Variants in ATRNL1 observed in about 807,000 individuals in gnomAD.
ATRNL1 encodes attractin like 1.
ATRNL1 carries 95 observed loss-of-function variants against 182.7 expected under a neutral mutation model. That is an observed-to-expected ratio of 0.52 (90% confidence interval 0.44 to 0.62). ATRNL1 has a LOEUF of 0.62. Among genes scored for constraint, ATRNL1 ranks in the 20% least tolerant of loss-of-function variants. The pLI is 0.00. For synonymous variants in ATRNL1, 576 were observed against 568.3 expected, an observed-to-expected ratio of 1.01 and a Z score of -0.19; for missense variants, 1,471 against 1,679.5, an observed-to-expected ratio of 0.88 and a Z score of 2.17.
chr10:115,205,001 A>T (rs1848741682), intron 8 of ATRNL1, among the ~76,000 whole-genome samples: 1 of 152,056 alleles, frequency 6.6e-6, no homozygotes, highest in Non-Finnish European at 1.5e-5. Context: ...ATAACATCTT[A>T]ACTTAGATCA....
At chr10:115,117,452 T>A (rs551837868) in intron 1 of ATRNL1, among the ~76,000 whole-genome samples, 1 of 152,140 alleles carries the variant, frequency 6.6e-6, no homozygotes, top group African/African-American at 2.4e-5. Flanking sequence ...TGAGAACATA[T>A]AATGTTTATC....
chr10:115,882,150 G>A (rs190079164), intron 28 of ATRNL1, among the ~76,000 whole-genome samples: 2 of 152,322 alleles, frequency 1.3e-5, no homozygotes, highest in East Asian at 3.9e-4. Flanking sequence ...AGATGTTGCA[G>A]GATTGGCACT....
At chr10:115,836,034 T>G (rs1402801795) in intron 27 of ATRNL1, among the ~76,000 whole-genome samples, 2 of 152,204 alleles carry the variant, frequency 1.3e-5, no homozygotes, top group African/African-American at 4.8e-5. Flanking sequence ...TCAGAATCTA[T>G]TTCCTGGGGA....
chr10:115,420,633 G>A (rs1173203700), intron 20 of ATRNL1, among the ~76,000 whole-genome samples: 1 of 151,982 alleles, frequency 6.6e-6, no homozygotes, highest in East Asian at 1.9e-4. Flanking sequence ...ACAGCCTAAT[G>A]TTGTACCTCA....
At chr10:115,298,315 A>G (rs1292220647) in intron 15 of ATRNL1, among the ~76,000 whole-genome samples, 3 of 152,212 alleles carry the variant, frequency 2.0e-5, no homozygotes, top group African/African-American at 7.2e-5. Flanking sequence ...AATTTTCATA[A>G]TATAGTTATT....
chr10:115,412,989 G>A (rs182418376), intron 20 of ATRNL1, among the ~76,000 whole-genome samples: 1 of 152,198 alleles, frequency 6.6e-6, no homozygotes, highest in African/African-American at 2.4e-5. Flanking sequence ...CTTGATTCCA[G>A]ATCATATTAT....
At chr10:115,882,854 T>C (rs1951858019) in intron 28 of ATRNL1, among the ~76,000 whole-genome samples, 3 of 152,180 alleles carry the variant, frequency 2.0e-5, no homozygotes, top group Admixed American at 2.0e-4. Flanking sequence ...ATAGCAAGCT[T>C]TTAGTGCTCC....
intron 19 of ATRNL1, among the ~76,000 whole-genome samples, chr10:115,384,142 A>G (rs1424098088): frequency 2.0e-5 from 3 of 152,054 alleles, no homozygotes; most frequent in African/African-American, 7.2e-5. Context: ...ACCTATGCAA[A>G]CAAATGAAAG....
chr10:115,649,920 G>A (rs1859877898), intron 26 of ATRNL1, among the ~76,000 whole-genome samples: 1 of 152,090 alleles, frequency 6.6e-6, no homozygotes, highest in Admixed American at 6.6e-5. Flanking sequence ...CAGACTTAAA[G>A]TGGAAGATAA....
At chr10:115,523,757 A>G (rs564809591) in intron 25 of ATRNL1, among the ~76,000 whole-genome samples, 1 of 152,086 alleles carries the variant, frequency 6.6e-6, no homozygotes, top group Non-Finnish European at 1.5e-5. Context: ...CACTTAACCA[A>G]TTTCTAAGAT....
At chr10:115,861,964 A>AG (rs1435396594) in intron 28 of ATRNL1, among the ~76,000 whole-genome samples, 1 of 152,172 alleles carries the variant, frequency 6.6e-6, no homozygotes, top group Non-Finnish European at 1.5e-5. Context: ...AGAAAAAAAA[A>AG]TAATGTTTCA....
Position 115,461,941 on chromosome 10 carries a change from A to C in ATRNL1, c.3323A>C (p.Tyr1108Ser), listed in dbSNP as rs1847819614. ...ATTGTACTTTTTTTCCTCCCTACAG[A>C]CAGCCTTTTGATTGATTATCAATTT... Reference protein sequence around the residue: ...VGNPLRGTCYYSLLIDYQFTF... With the variant: ...VGNPLRGTCYSSLLIDYQFTF... The change falls in exon 22 of 29, where the codon TAC (tyrosine) becomes TCC (serine). Residue 1108 changes from tyrosine (Y) to serine (S), a missense_variant and splice_region_variant. Physicochemically the swap from Tyr to Ser is moderately radical, Grantham distance 144 (BLOSUM62 -2). Coordinates refer to ENST00000355044, the MANE Select transcript of ATRNL1 (RefSeq NM_207303.4). 1 of 1,606,722 alleles carries C rather than the reference A, an allele frequency of 6.2e-7. No individual in the cohort carries two copies.
At position 115,593,010 on chromosome 10, in the gene ATRNL1, G is replaced by C. The variant is rs148063083; in HGVS notation, c.3795+43474G>C. Among the ~76,000 whole-genome samples the C allele has an allele frequency of 2.6e-4, 40 of 152,234 alleles. No individual in the cohort carries two copies. The South Asian group carries it at 3.9e-3, about 15-fold the overall frequency. On this transcript the variant is annotated intron_variant, in intron 26 of 28. Coordinates refer to ENST00000355044, the MANE Select transcript of ATRNL1 (RefSeq NM_207303.4). ...ACTATAACCACAGACTGGGTAATTT[G>C]TAATGAGTAGAAATGTATTTCTTAG...
At chr10:115,884,975 A>T (rs1393816307) in intron 28 of ATRNL1, among the ~76,000 whole-genome samples, 4 of 152,244 alleles carry the variant, frequency 2.6e-5, no homozygotes, top group African/African-American at 9.6e-5. Flanking sequence ...AAAAGTACAC[A>T]TTCCCAAAGA....
At chr10:115,478,787 T>C (rs1429780680) in intron 24 of ATRNL1, among the ~76,000 whole-genome samples, 2 of 151,726 alleles carry the variant, frequency 1.3e-5, no homozygotes, top group Admixed American at 6.6e-5. Flanking sequence ...AGAGTAAAGA[T>C]ATTGACTGAA....
chr10:115,351,818 A>T (rs1349976755), intron 19 of ATRNL1, among the ~76,000 whole-genome samples: 8 of 151,190 alleles, frequency 5.3e-5, no homozygotes, highest in African/African-American at 1.9e-4. Flanking sequence ...TGGTATCAGG[A>T]TAATGCTGGC....
At chr10:115,359,899 T>A (rs1400345250) in intron 19 of ATRNL1, among the ~76,000 whole-genome samples, 1 of 151,614 alleles carries the variant, frequency 6.6e-6, no homozygotes, top group Non-Finnish European at 1.5e-5. Context: ...ATATTTCACT[T>A]TACCATAACA....
intron 19 of ATRNL1, among the ~76,000 whole-genome samples, chr10:115,345,908 T>C (rs2134107877): frequency 6.6e-6 from 1 of 152,364 alleles, no homozygotes; most frequent in South Asian, 2.1e-4. Context: ...TTCATTCTCA[T>C]TGTAGCAAGT....
At chr10:115,523,678 C>T (rs1851070101) in intron 25 of ATRNL1, among the ~76,000 whole-genome samples, 1 of 152,162 alleles carries the variant, frequency 6.6e-6, no homozygotes, top group Admixed American at 6.5e-5. Flanking sequence ...CAGTGATTTC[C>T]TCATTTCAGT....
Sources: allele counts gnomAD v4.1 joint callset (sites outside exome capture counted in the v4.1 genomes callset), GRCh38; gene constraint gnomAD v4.1.1; transcripts MANE v1.5; gene names NCBI Gene and HGNC (gene_info 2026-07-23, HGNC 2026-07-21).